RNF151: variants seen among roughly 807,000 people sequenced by gnomAD.
RNF151 encodes ring finger protein 151.
Under a neutral mutation model 11.1 loss-of-function variants are expected in RNF151, and 9 were observed. The ratio of observed to expected loss-of-function variants is 0.81; its 90% confidence interval spans 0.49 to 1.42. RNF151 has a LOEUF of 1.42. Among genes scored for constraint, RNF151 ranks in the 40% most tolerant of loss-of-function variants. The probability of loss-of-function intolerance (pLI) is 0.00; values close to 1 mark genes in which losing one functional copy is unlikely to be tolerated. For missense variants in RNF151, 372 were observed against 342.9 expected (o/e 1.08, Z -0.67); for synonymous variants, 172 against 140.7 (o/e 1.22, Z -1.58).
chr16:1,968,484 C>T lies in RNF151; in HGVS notation c.297C>T (p.Arg99=), dbSNP rs116815374. Residue 99 remains arginine (R), a synonymous_variant, in exon 4 of 4, where the codon CGC becomes CGT. Coordinates refer to ENST00000569714, the MANE Select transcript of RNF151 (RefSeq NM_174903.6). ...GCIVTCPLAH[R]KGHQDSCPFE... ...TAGTGACATGCCCCCTGGCCCATCGCAAGGGGCACCAGGACTCATGCCCCT... is the reference window on the plus strand; with the variant it reads ...TAGTGACATGCCCCCTGGCCCATCGTAAGGGGCACCAGGACTCATGCCCCT... 1.4e-3 allele frequency: 2,190 copies of T among 1,591,120 alleles called. 16 individuals are homozygous for T. In the African/African-American group the frequency reaches 0.027, roughly 20 times the overall value.
Position 1,967,281 on chromosome 16 carries a change from G to A in RNF151, c.11G>A (p.Gly4Glu), listed in dbSNP as rs1478419678. The A allele has an allele frequency of 6.2e-7, 1 of 1,613,082 alleles. No individual in the cohort carries two copies. The highest frequency in any genetic ancestry group is 8.5e-7 in the Non-Finnish European group (1 of 1,179,680). Reference sequence around the variant, plus strand: ...GACACCTGGCCTTTGCAGGGTGGCGGGTATGATCTCAACCTCTTCGCCAGC... The same window carrying A: ...GACACCTGGCCTTTGCAGGGTGGCGAGTATGATCTCAACCTCTTCGCCAGC... MGG[G>E]YDLNLFASPP... Residue 4 changes from glycine to glutamate, a missense_variant, in exon 2 of 4, where the codon GGG becomes GAG. Transcript: ENST00000569714.
Position 1,968,469 on chromosome 16 carries a change from C to T in RNF151, c.282C>T (p.Cys94=). The change falls in exon 4 of 4, where the codon TGC becomes TGT. Residue 94 remains cysteine, a synonymous_variant. Transcript: ENST00000569714. ...CCGACGCTGGCTGCATAGTGACATG[C>T]CCCCTGGCCCATCGCAAGGGGCACC... ...KNADAGCIVT[C]PLAHRKGHQD... 7 of 1,579,178 alleles carry T rather than the reference C, an allele frequency of 4.4e-6. No homozygotes were observed. The highest frequency in any genetic ancestry group is 6.0e-6 in the Non-Finnish European group (7 of 1,158,758).
intron 3 of RNF151, 146 bp from the exon 4 acceptor site, chr16:1,968,288 C>A: frequency 9.7e-7 from 1 of 1,025,954 alleles, no homozygotes; most frequent in Non-Finnish European, 1.4e-6. Flanking sequence ...TAGGCATTTG[C>A]CCCAGTGTTC....
intron 1 of RNF151, 31 bp downstream of exon 1, chr16:1,966,915 T>C (rs1196446473): frequency 1.3e-6 from 2 of 1,564,732 alleles, no homozygotes; most frequent in South Asian, 1.2e-5. Flanking sequence ...CTTCCAGCCC[T>C]GAGATGTGTG....
chr16:1,968,577 C>T lies in RNF151; in HGVS notation c.390C>T (p.His130=). The T allele has an allele frequency of 1.2e-6, 2 of 1,601,764 alleles. No individual in the cohort carries two copies. The highest frequency in any genetic ancestry group is 1.7e-6 in the Non-Finnish European group (2 of 1,175,130). The change falls in exon 4 of 4, where the codon CAC becomes CAT. Residue 130 remains histidine (H), a synonymous_variant. Coordinates refer to ENST00000569714, the MANE Select transcript of RNF151 (RefSeq NM_174903.6). ...TGCCGCGTGGGACCCTGGCAGAGCA[C>T]CGGCAGCATTGCCAGCAAGGGTCCC... ...SQVPRGTLAE[H]RQHCQQGSQQ...
At chr16:1,967,651 G>A (rs1404782931) in intron 2 of RNF151, 74 bp from the exon 3 acceptor site, 4 of 1,246,292 alleles carry the variant, frequency 3.2e-6, no homozygotes, top group Non-Finnish European at 4.6e-6. Flanking sequence ...GGACCACCTG[G>A]GTCACCGAGT....
chr16:1,967,379 C>A lies in RNF151; in HGVS notation c.109C>A (p.His37Asn). The change falls in exon 2 of 4, where the codon CAC becomes AAC. Residue 37 changes from histidine (H) to asparagine (N), a missense_variant. His to Asn is a moderately conservative substitution (Grantham distance 68). Transcript: ENST00000569714. ...GAGGCCAGCAAGGTTGCCATGCAGC[C>A]ACATCTTCTGCAAAAAGTGCATCCT... ...LKRPARLPCS[H>N]IFCKKCILRW... is the part of the protein sequence containing the mutation. 1 of 1,613,738 alleles carries A rather than the reference C, an allele frequency of 6.2e-7. No individual in the cohort carries two copies. The highest frequency in any genetic ancestry group is 8.5e-7 in the Non-Finnish European group (1 of 1,179,846).
intron 3 of RNF151, 46 bp downstream of exon 3, chr16:1,967,867 T>C: frequency 2.9e-6 from 4 of 1,363,942 alleles, no homozygotes; most frequent in African/African-American, 1.4e-5. Context: ...CTTCTCACCC[T>C]TGTAGGGGTG....
chr16:1,968,056 G>A (rs368187298), intron 3 of RNF151: 27 of 699,240 alleles, frequency 3.9e-5, no homozygotes, highest in East Asian at 1.3e-4. Flanking sequence ...GATTTTAGAG[G>A]ACTTTTAAAA....
In RNF151 at chr16:1,968,762, C is replaced by G; in HGVS notation, c.575C>G (p.Ala192Gly). ...LLRRVRWLDQ[A>G]TSVVRRELAE... ...CGGCGTGTGCGCTGGCTGGACCAAG[C>G]CACCAGTGTCGTTCGTAGAGAGCTG... Residue 192 changes from alanine to glycine, a missense_variant, in exon 4 of 4, where the codon GCC becomes GGC. Physicochemically the swap from Ala to Gly is moderately conservative, Grantham distance 60 (BLOSUM62 0). Coordinates refer to ENST00000569714, the MANE Select transcript of RNF151 (RefSeq NM_174903.6). The G allele has an allele frequency of 1.3e-6, 2 of 1,584,566 alleles. No homozygotes were observed. Among genetic ancestry groups the G allele is most frequent in the South Asian group, 2.3e-5 (2 of 86,958 alleles).
In RNF151 at chr16:1,968,745, G is replaced by A. The variant is rs563201465; in HGVS notation, c.558G>A (p.Val186=). The stretch of plus-strand genomic sequence containing the variant: ...TGCTGCTGTCCCTCCTGCGGCGTGT[G>A]CGCTGGCTGGACCAAGCCACCAGTG... ...RPLLLSLLRR[V]RWLDQATSVV... Residue 186 remains valine (V), a synonymous_variant, in exon 4 of 4, where the codon GTG becomes GTA. Coordinates refer to ENST00000569714, the MANE Select transcript of RNF151 (RefSeq NM_174903.6). The A allele has an allele frequency of 2.9e-5, 46 of 1,576,116 alleles. 1 individual carries two copies. The South Asian group carries it at 3.9e-4, about 14-fold the overall frequency.
chr16:1,967,623 C>A, intron 2 of RNF151, 102 bp from the exon 3 acceptor site: 1 of 1,043,720 alleles, frequency 9.6e-7, no homozygotes, highest in Non-Finnish European at 1.5e-6. Context: ...GCCCTAATGC[C>A]TCATCCAGCT....
At position 1,968,364 on chromosome 16, in the gene RNF151, G is replaced by A. The variant is rs1167648834; in HGVS notation, c.247-70G>A. On this transcript the variant is annotated intron_variant, in intron 3 of 3. Coordinates refer to ENST00000569714, the MANE Select transcript of RNF151 (RefSeq NM_174903.6). ...CCCGGTTCCCTGGTTCCTGGCGAAT[G>A]GAAAGCCAGGGGTGGGGGATTCCGT... 4 of 1,443,608 alleles carry A rather than the reference G, an allele frequency of 2.8e-6. No homozygotes were observed. The East Asian group carries it at 1.0e-4, about 36-fold the overall frequency. 89.4% of individuals were successfully genotyped at this position (1,443,608 alleles called of 1,614,324 possible).
Position 1,966,904 on chromosome 16 carries a change from G to A in RNF151, c.3+20G>A, listed in dbSNP as rs775122146. 2.5e-6 allele frequency: 4 copies of A among 1,573,216 alleles called. No homozygotes were observed. Among genetic ancestry groups the A allele is most frequent in the Non-Finnish European group, 2.6e-6 (3 of 1,155,226 alleles). On this transcript the variant is annotated intron_variant, in intron 1 of 3. Transcript: ENST00000569714. ...ATCATGGTGAGCCTGGGGCCCTCTTGCTTCCAGCCCTGAGATGTGTGCCCA... is the reference window on the plus strand; with the variant it reads ...ATCATGGTGAGCCTGGGGCCCTCTTACTTCCAGCCCTGAGATGTGTGCCCA...
chr16:1,966,966 C>A, intron 1 of RNF151, 82 bp downstream of exon 1: 1 of 1,460,978 alleles, frequency 6.8e-7, no homozygotes, highest in Non-Finnish European at 9.2e-7. Flanking sequence ...GGGATCGACC[C>A]CACTCCACTC....
chr16:1,968,402 C>T (rs145720955), intron 3 of RNF151, 32 bp from the exon 4 acceptor site: 48 of 1,494,730 alleles, frequency 3.2e-5, no homozygotes, highest in African/African-American at 2.7e-4. Flanking sequence ...GTGTCCTGCC[C>T]GGTTTCTTCA....
chr16:1,968,933 A>G lies in RNF151; in HGVS notation c.*8A>G, dbSNP rs1597044697. On this transcript the variant is annotated 3_prime_UTR_variant, in exon 4 of 4. Transcript: ENST00000569714. ...AACATACCTTGTAAATAGGTAAATA[A>G]AAGCAGACCCCCGGCCTGCCTGCCT... 3.8e-6 allele frequency: 6 copies of G among 1,576,224 alleles called. 1 individual carries two copies. The East Asian group carries it at 1.4e-4, about 36-fold the overall frequency.
intron 3 of RNF151, 69 bp downstream of exon 3, chr16:1,967,890 G>T (rs1453428353): frequency 8.9e-7 from 1 of 1,121,352 alleles, no homozygotes; most frequent in African/African-American, 1.5e-5. Flanking sequence ...GCAGGGCTAG[G>T]AGAGAAGGCA....
chr16:1,968,617 C>T lies in RNF151; in HGVS notation c.430C>T (p.Leu144=), dbSNP rs748028833. 5 of 1,573,590 alleles carry T rather than the reference C, an allele frequency of 3.2e-6. No homozygotes were observed. The highest frequency in any genetic ancestry group is 4.3e-6 in the Non-Finnish European group (5 of 1,160,704). Reference sequence around the variant, plus strand: ...GCAAGGGTCCCAGCAGCGCTGCCCCCTGGGCTGCGGGGCCACCCTGGACCC... The same window carrying T: ...GCAAGGGTCCCAGCAGCGCTGCCCCTTGGGCTGCGGGGCCACCCTGGACCC... The part of the protein sequence containing the change: ...CQQGSQQRCP[L]GCGATLDPAE... The change falls in exon 4 of 4, where the codon CTG becomes TTG. Residue 144 remains leucine (L), a synonymous_variant. Coordinates refer to ENST00000569714, the MANE Select transcript of RNF151 (RefSeq NM_174903.6).
Sources: allele counts gnomAD v4.1 joint callset, GRCh38; gene constraint gnomAD v4.1.1; transcripts MANE v1.5; gene names NCBI Gene and HGNC (gene_info 2026-07-23, HGNC 2026-07-21).